NRXN3: variants seen among roughly 807,000 people sequenced by gnomAD.
The protein encoded by NRXN3 is neurexin 3.
In NRXN3, 32 loss-of-function variants were observed where a neutral mutation model predicts 137.6. The observed-to-expected ratio is 0.23, with a 90% CI of 0.18 to 0.31. The LOEUF is 0.31. NRXN3 is among the 10% of genes least tolerant of loss of function. The pLI, the probability that NRXN3 is intolerant of heterozygous loss-of-function variation, is 1.00. For missense variants in NRXN3, 1,574 were observed against 2,062.5 expected (o/e 0.76, Z 4.59); for synonymous variants, 798 against 784.5 (o/e 1.02, Z -0.29).
At chr14:78,410,495 A>G (rs1313713721) in intron 4 of NRXN3, among the ~76,000 whole-genome samples, 1 of 152,180 alleles carries the variant, frequency 6.6e-6, no homozygotes, top group Non-Finnish European at 1.5e-5. Context: ...GGCTTTTTCA[A>G]TGGCCCTTAA....
At position 79,280,626 on chromosome 14, in the gene NRXN3, G is replaced by A. The variant is rs575126867; in HGVS notation, c.3263-186595G>A. On this transcript the variant is annotated intron_variant, in intron 15 of 20. Coordinates refer to ENST00000335750, the MANE Select transcript of NRXN3 (RefSeq NM_001330195.2). ...GCAGGTAGTGTCAAAGGTGGGAAGGGAATTTAAAAAAAATGAATTTAAAAT... is the reference window on the plus strand; with the variant it reads ...GCAGGTAGTGTCAAAGGTGGGAAGGAAATTTAAAAAAAATGAATTTAAAAT... 18 of 1,268,660 alleles carry A rather than the reference G, an allele frequency of 1.4e-5. No homozygotes were observed. In the African/African-American group the frequency reaches 2.1e-4, roughly 15 times the overall value. The allele number at this position is 1,268,660 out of a possible 1,614,324, so 78.6% of individuals were successfully genotyped here. A position where few individuals can be genotyped will look rare whatever the true frequency, so the allele number is the denominator to read the frequency against.
At chr14:78,759,525 A>G (rs1262516491) in intron 8 of NRXN3, among the ~76,000 whole-genome samples, 1 of 152,138 alleles carries the variant, frequency 6.6e-6, no homozygotes, top group Non-Finnish European at 1.5e-5. Context: ...GTCTTTTCTC[A>G]TGACTTTTCC....
At chr14:79,677,783 C>T (rs1464409494) in intron 17 of NRXN3, among the ~76,000 whole-genome samples, 2 of 152,060 alleles carry the variant, frequency 1.3e-5, no homozygotes, top group African/African-American at 4.8e-5. Flanking sequence ...AAGTCCTGAC[C>T]AACCCTGATC....
intron 16 of NRXN3, among the ~76,000 whole-genome samples, chr14:79,536,521 T>A (rs2097212801): frequency 1.3e-5 from 2 of 152,008 alleles, no homozygotes; most frequent in African/African-American, 4.8e-5. Context: ...CGTAGGTAAA[T>A]GCATTCCATG....
chr14:78,792,257 CAAAAAAAAAAAAAA>C (rs140968788), intron 8 of NRXN3, among the ~76,000 whole-genome samples: 2 of 19,462 alleles, frequency 1.0e-4, no homozygotes, highest in Non-Finnish European at 1.5e-4. Flanking sequence ...AGACTAAAGG[CAAAAAAAAAAAAAA>C]AAAAAAAAAA....
intron 4 of NRXN3, among the ~76,000 whole-genome samples, chr14:78,441,476 T>A (rs936235330): frequency 5.3e-5 from 8 of 152,282 alleles, no homozygotes; most frequent in Non-Finnish European, 1.0e-4. Flanking sequence ...TGACCTTGCT[T>A]TCTGTGCTTC....
intron 15 of NRXN3, among the ~76,000 whole-genome samples, chr14:79,351,388 G>A (rs749155707): frequency 6.6e-6 from 1 of 152,162 alleles, no homozygotes; most frequent in Non-Finnish European, 1.5e-5. Context: ...GTTAACTACT[G>A]TCTAAAGATC....
intron 16 of NRXN3, among the ~76,000 whole-genome samples, chr14:79,649,091 C>T (rs1353483637): frequency 2.0e-5 from 3 of 152,100 alleles, no homozygotes; most frequent in African/African-American, 7.2e-5. Flanking sequence ...TTGTCTGTAT[C>T]CTTATTATCT....
chr14:79,423,158 A>G (rs1395163134), intron 15 of NRXN3, among the ~76,000 whole-genome samples: 1 of 152,180 alleles, frequency 6.6e-6, no homozygotes, highest in East Asian at 1.9e-4. Flanking sequence ...ATTCTTGCTC[A>G]TGGCCAGGGG....
At chr14:78,915,474 C>A (rs969696707) in intron 10 of NRXN3, among the ~76,000 whole-genome samples, 88 of 150,930 alleles carry the variant, frequency 5.8e-4, no homozygotes, top group African/African-American at 2.0e-3. Flanking sequence ...ACCATTTATT[C>A]AGTGTTCAGT....
intron 4 of NRXN3, among the ~76,000 whole-genome samples, chr14:78,430,818 C>T (rs1418059040): frequency 6.6e-6 from 1 of 152,198 alleles, no homozygotes; most frequent in East Asian, 1.9e-4. Context: ...AGGTTGTGCT[C>T]ACTTGGTACT....
chr14:78,398,703 C>G (rs141918855), intron 4 of NRXN3, among the ~76,000 whole-genome samples: 1 of 152,306 alleles, frequency 6.6e-6, no homozygotes, highest in East Asian at 1.9e-4. Context: ...AGTCCTGGCT[C>G]TCTACTAGGA....
intron 15 of NRXN3, among the ~76,000 whole-genome samples, chr14:79,278,904 C>A (rs1292080016): frequency 6.6e-6 from 1 of 152,202 alleles, no homozygotes; most frequent in Non-Finnish European, 1.5e-5. Flanking sequence ...GGGAGGAGCG[C>A]GCGTGCGGCA....
intron 15 of NRXN3, among the ~76,000 whole-genome samples, chr14:79,254,996 T>C (rs74571295): frequency 0.04 from 6,115 of 152,260 alleles, 286 homozygotes; most frequent in African/African-American, 0.11. Context: ...CTCCCATAAT[T>C]GCTTGGAAGG....
intron 10 of NRXN3, among the ~76,000 whole-genome samples, chr14:78,845,529 C>G (rs887155297): frequency 1.3e-5 from 2 of 151,904 alleles, no homozygotes; most frequent in Admixed American, 1.3e-4. Flanking sequence ...ATTTCCTCCC[C>G]ACTGACTTCT....
At chr14:78,716,783 A>G (rs2098436128) in intron 8 of NRXN3, among the ~76,000 whole-genome samples, 1 of 152,254 alleles carries the variant, frequency 6.6e-6, no homozygotes, top group Non-Finnish European at 1.5e-5. Flanking sequence ...GATCAGAAAT[A>G]GAATACAGGA....
chr14:78,437,325 TTTTTTCTTTTCTTTTC>T (rs1380087049), intron 4 of NRXN3, among the ~76,000 whole-genome samples: 1 of 151,392 alleles, frequency 6.6e-6, no homozygotes, highest in Non-Finnish European at 1.5e-5. Context: ...GGTGGTTTAT[TTTTTTCTTTTCTTTTC>T]TTTTTCTTTT....
chr14:79,383,343 C>T (rs1268840127), intron 15 of NRXN3, among the ~76,000 whole-genome samples: 1 of 152,094 alleles, frequency 6.6e-6, no homozygotes, highest in Admixed American at 6.6e-5. Flanking sequence ...AATGGACATG[C>T]AAATTTTTCA....
chr14:78,463,143 T>C (rs983191930), intron 4 of NRXN3, among the ~76,000 whole-genome samples: 1 of 152,212 alleles, frequency 6.6e-6, no homozygotes, highest in Non-Finnish European at 1.5e-5. Context: ...ATAAATGGTC[T>C]CCAGTGCCAT....
Sources: allele counts gnomAD v4.1 joint callset (sites outside exome capture counted in the v4.1 genomes callset), GRCh38; gene constraint gnomAD v4.1.1; transcripts MANE v1.5; gene names NCBI Gene and HGNC (gene_info 2026-07-23, HGNC 2026-07-21).